SHTN1: variants seen among roughly 807,000 people sequenced by gnomAD.
SHTN1 encodes shootin-1.
Under a neutral mutation model 83.1 loss-of-function variants are expected in SHTN1, and 42 were observed. The ratio of observed to expected loss-of-function variants is 0.51; its 90% CI spans 0.39 to 0.65. The LOEUF is 0.65. Ranked by LOEUF, SHTN1 falls within the 30% of genes least tolerant of loss-of-function variation. SHTN1 has a pLI of 0.00. For synonymous variants in SHTN1, 224 were observed against 247.7 expected (o/e 0.90, Z 0.90); for missense variants, 622 against 737.8 (o/e 0.84, Z 1.82).
upstream of SHTN1, among the ~76,000 whole-genome samples, chr10:117,010,205 A>G (rs968797510): frequency 1.3e-5 from 2 of 151,982 alleles, no homozygotes; most frequent in Non-Finnish European, 2.9e-5. Context: ...AAAAAGAAAT[A>G]TGAAAATCAG....
rs550690952 is a variant in SHTN1, at chr10:116,902,136, A to C, written c.1481-179T>G. On this transcript the variant is annotated intron_variant, in intron 15 of 16. Coordinates refer to ENST00000355371, the MANE Select transcript of SHTN1 (RefSeq NM_001127211.3). The stretch of plus-strand genomic sequence containing the variant: ...TGCTCTGCTTTCGTGGTACTACTAC[A>C]TTTCAATCTACCAGGACCACGCTGA... Among the ~76,000 whole-genome samples, 3 of 152,220 alleles carry C rather than the reference A, an allele frequency of 2.0e-5. No individual in the cohort carries two copies. In the East Asian group the frequency reaches 5.8e-4, roughly 29 times the overall value.
intron 1 of SHTN1, among the ~76,000 whole-genome samples, chr10:116,987,719 A>G (rs1038020093): frequency 6.6e-6 from 1 of 152,138 alleles, no homozygotes; most frequent in African/African-American, 2.4e-5. Context: ...GATCGAGACC[A>G]TCATGGCCAA....
intron 1 of SHTN1, among the ~76,000 whole-genome samples, chr10:116,984,819 T>C (rs990947525): frequency 6.6e-6 from 1 of 152,162 alleles, no homozygotes; most frequent in African/African-American, 2.4e-5. Flanking sequence ...ACCTTATCTT[T>C]ACTGCCTGGA....
chr10:117,029,859 T>C (rs903316274), intron 2 of SHTN1, among the ~76,000 whole-genome samples: 2 of 149,854 alleles, frequency 1.3e-5, no homozygotes, highest in South Asian at 4.3e-4. Flanking sequence ...TCTCTCTCTC[T>C]CCCTCCCTCC....
chr10:117,009,955 G>A (rs1244609588), upstream of SHTN1, among the ~76,000 whole-genome samples: 1 of 151,740 alleles, frequency 6.6e-6, no homozygotes, highest in African/African-American at 2.4e-5. Flanking sequence ...ACAGTGCTCA[G>A]AGAGAAATTT....
In SHTN1 at chr10:116,948,180, T is replaced by A. The variant is rs531929409; in HGVS notation, c.616+736A>T. 5.9e-5 allele frequency among the ~76,000 whole-genome samples: 9 copies of A among 152,336 alleles called. No individual in the cohort carries two copies. The South Asian group carries it at 1.9e-3, about 32-fold the overall frequency. Reference sequence around the variant, plus strand: ...CACTTCCTTGTCTTAAACTGGGAGATACATGAAACAGCCCCGATGAGAGCT... The same window carrying A: ...CACTTCCTTGTCTTAAACTGGGAGAAACATGAAACAGCCCCGATGAGAGCT... On this transcript the variant is annotated intron_variant, in intron 7 of 16. Coordinates refer to ENST00000355371, the MANE Select transcript of SHTN1 (RefSeq NM_001127211.3).
intron 1 of SHTN1, among the ~76,000 whole-genome samples, chr10:117,075,303 T>C (rs555439901): frequency 6.6e-6 from 1 of 152,316 alleles, no homozygotes; most frequent in South Asian, 2.1e-4. Flanking sequence ...CCCTGAGTTT[T>C]GTCTCTTGGA....
At chr10:117,099,265 C>CA (rs1424263351) in intron 1 of SHTN1, among the ~76,000 whole-genome samples, 1 of 151,950 alleles carries the variant, frequency 6.6e-6, no homozygotes, top group Non-Finnish European at 1.5e-5. Context: ...GATCAGACTA[C>CA]ATATTGGGTA....
chr10:116,936,418 C>A (rs529864925), intron 9 of SHTN1, among the ~76,000 whole-genome samples: 4 of 152,122 alleles, frequency 2.6e-5, no homozygotes, highest in African/African-American at 9.7e-5. Context: ...GCCTTAATTT[C>A]GTTATTTACT....
At chr10:117,118,344 A>G (rs1268708636) in intron 1 of SHTN1, among the ~76,000 whole-genome samples, 2 of 140,212 alleles carry the variant, frequency 1.4e-5, no homozygotes, top group African/African-American at 5.3e-5. Context: ...AATCCACCAC[A>G]ATGAAATATA....
At position 116,954,142 on chromosome 10, in the gene SHTN1, T is replaced by G; in HGVS notation, c.336A>C (p.Val112=). 6.2e-7 allele frequency: 1 copy of G among 1,613,830 alleles called. No homozygotes were observed. Among genetic ancestry groups the G allele is most frequent in the Non-Finnish European group, 8.5e-7 (1 of 1,179,816 alleles). ...CATCAATGTTTATCTCTTCAGTTAT[T>G]ACATCTGGTCCCAGCTTGGCCATGT... ...MLYMAKLGPD[V]ITEEINIDDE... The change falls in exon 5 of 17, where the codon GTA becomes GTC. Residue 112 remains valine (V), a synonymous_variant. Transcript: ENST00000355371.
At chr10:117,005,429 G>A, upstream of SHTN1, 3 of 1,091,696 alleles carry the variant, frequency 2.7e-6, no homozygotes, top group Non-Finnish European at 3.3e-6. Context: ...GGGTCGCTCC[G>A]CACCCTTTTC....
chr10:117,028,996 G>A (rs1852368277), intron 2 of SHTN1, among the ~76,000 whole-genome samples: 1 of 152,138 alleles, frequency 6.6e-6, no homozygotes, highest in Admixed American at 6.5e-5. Context: ...ACTCAATCTG[G>A]AAATATCCAC....
At chr10:116,955,617 G>C (rs533935222) in intron 4 of SHTN1, among the ~76,000 whole-genome samples, 2 of 152,186 alleles carry the variant, frequency 1.3e-5, no homozygotes, top group East Asian at 1.9e-4. Context: ...GGTTCCTCAG[G>C]GTTTCTCATA....
intron 4 of SHTN1, among the ~76,000 whole-genome samples, chr10:116,957,528 AC>A (rs1850028790): frequency 6.6e-6 from 1 of 151,504 alleles, no homozygotes; most frequent in Non-Finnish European, 1.5e-5. Context: ...TGCTGGGATT[AC>A]AGGCGTGAGC....
intron 1 of SHTN1, among the ~76,000 whole-genome samples, chr10:117,082,569 G>A (rs1285123460): frequency 1.3e-5 from 2 of 152,046 alleles, no homozygotes; most frequent in Non-Finnish European, 2.9e-5. Context: ...GTGCAGAGCT[G>A]AGTTCAATTC....
chr10:116,906,041 A>G (rs2133335087), intron 15 of SHTN1, among the ~76,000 whole-genome samples: 2 of 152,364 alleles, frequency 1.3e-5, no homozygotes, highest in South Asian at 4.1e-4. Flanking sequence ...AAGTTAATGG[A>G]TACAAAGAGT....
intron 2 of SHTN1, among the ~76,000 whole-genome samples, chr10:117,012,191 G>A (rs1157887225): frequency 1.3e-5 from 2 of 149,366 alleles, no homozygotes; most frequent in Non-Finnish European, 3.0e-5. Context: ...TTGCTAAAAT[G>A]TCAATTCTTC....
intron 2 of SHTN1, among the ~76,000 whole-genome samples, chr10:117,040,130 A>C (rs1348013511): frequency 6.6e-6 from 1 of 152,214 alleles, no homozygotes; most frequent in African/African-American, 2.4e-5. Flanking sequence ...CAATAGATTG[A>C]ATACAGCTTA....
Sources: allele counts gnomAD v4.1 joint callset (sites outside exome capture counted in the v4.1 genomes callset), GRCh38; gene constraint gnomAD v4.1.1; transcripts MANE v1.5; gene names NCBI Gene and HGNC (gene_info 2026-07-23, HGNC 2026-07-21).